FAM222B: variants seen among roughly 807,000 people sequenced by gnomAD.
FAM222B encodes the protein protein FAM222B.
Under a neutral mutation model 38.0 loss-of-function variants are expected in FAM222B, and 12 were observed. The observed-to-expected ratio is 0.32, with a 90% CI of 0.20 to 0.51. The LOEUF is 0.51. Ranked by LOEUF, FAM222B falls within the 20% of genes least tolerant of loss-of-function variation. The probability of loss-of-function intolerance (pLI) is 0.97; values close to 1 mark genes in which losing one functional copy is unlikely to be tolerated. For synonymous variants in FAM222B, 329 were observed against 317.2 expected, an observed-to-expected ratio of 1.04 and a Z score of -0.40; for missense variants, 716 against 754.2, an observed-to-expected ratio of 0.95 and a Z score of 0.59.
At chr17:28,763,999 C>A (rs1470268307) in intron 2 of FAM222B, among the ~76,000 whole-genome samples, 2 of 152,090 alleles carry the variant, frequency 1.3e-5, no homozygotes, top group Non-Finnish European at 2.9e-5. Context: ...AAGTTGTTAT[C>A]TGAAGATGGT....
At chr17:28,854,184 C>A (rs1200661874) in intron 1 of FAM222B, among the ~76,000 whole-genome samples, 1 of 152,112 alleles carries the variant, frequency 6.6e-6, no homozygotes, top group Non-Finnish European at 1.5e-5. Context: ...ACCTCGTGAT[C>A]CGCCCGCCTC....
At chr17:28,768,006 G>T (rs1479793875) in intron 1 of FAM222B, among the ~76,000 whole-genome samples, 1 of 152,100 alleles carries the variant, frequency 6.6e-6, no homozygotes, top group Non-Finnish European at 1.5e-5. Context: ...TGTCAAGACC[G>T]CACGAGTTTC....
At chr17:28,806,561 G>A (rs2037506088) in intron 1 of FAM222B, among the ~76,000 whole-genome samples, 1 of 152,178 alleles carries the variant, frequency 6.6e-6, no homozygotes, top group Non-Finnish European at 1.5e-5. Flanking sequence ...TTCAAGGCCA[G>A]CCTGGGCAAT....
At position 28,766,466 on chromosome 17, in the gene FAM222B, A is replaced by C. The variant is rs190309604; in HGVS notation, c.82+120T>G. On this transcript the variant is annotated intron_variant, in intron 2 of 2. Coordinates refer to ENST00000581407, the MANE Select transcript of FAM222B (RefSeq NM_001077498.3). The stretch of plus-strand genomic sequence containing the variant: ...GAGCAAGACTTCGTCTTAAAAAAAA[A>C]AAAAAAAGAAAGGTGTCAAAATTCA... The C allele has an allele frequency of 7.9e-4, 616 of 782,822 alleles. 5 individuals are homozygous for C. Among genetic ancestry groups the C allele is most frequent in the South Asian group, 2.3e-3 (130 of 56,142 alleles). The allele number at this position is 782,822 out of a possible 1,614,324, so 48.5% of individuals were successfully genotyped here.
intron 1 of FAM222B, among the ~76,000 whole-genome samples, chr17:28,778,719 A>ATATATATATATATATATTTTT (rs1411311023): frequency 3.9e-5 from 1 of 25,492 alleles, no homozygotes; most frequent in Non-Finnish European, 6.7e-5. Context: ...ATATATATAT[A>ATATATATATATATATATTTTT]TTTTTTTTTT....
Position 28,758,887 on chromosome 17 carries a change from T to G in FAM222B, c.1072A>C (p.Ser358Arg). ...TTCCAGGTGACTGGCTTGAGGTCGC[T>G]AGGGTAGCCAGTGGGGACGCGAGAG... is the stretch of plus-strand genomic sequence containing the variant. ...GISRVPTGYPSDLKPVTWNQH... is the reference protein window; with the variant it reads ...GISRVPTGYPRDLKPVTWNQH... The change falls in exon 3 of 3, where the codon AGC becomes CGC. Residue 358 changes from serine to arginine, a missense_variant. Ser to Arg is a moderately radical substitution (Grantham distance 110, BLOSUM62 -1). Coordinates refer to ENST00000581407, the MANE Select transcript of FAM222B (RefSeq NM_001077498.3). The G allele has an allele frequency of 6.2e-7, 1 of 1,608,692 alleles. No homozygotes were observed. The highest frequency in any genetic ancestry group is 8.5e-7 in the Non-Finnish European group (1 of 1,178,126).
intron 1 of FAM222B, among the ~76,000 whole-genome samples, chr17:28,826,978 C>CA (rs1213443352): frequency 6.6e-6 from 1 of 151,670 alleles, no homozygotes; most frequent in South Asian, 2.1e-4. Context: ...TTGTCTTTGC[C>CA]AAAAAAATTT....
At chr17:28,823,952 A>G (rs573919519) in intron 1 of FAM222B, among the ~76,000 whole-genome samples, 45 of 144,536 alleles carry the variant, frequency 3.1e-4, no homozygotes, top group African/African-American at 1.1e-3. Flanking sequence ...ATCTCGGCTC[A>G]CTACAAGCTC....
At chr17:28,773,660 TG>T (rs1567810879) in intron 1 of FAM222B, among the ~76,000 whole-genome samples, 1 of 151,908 alleles carries the variant, frequency 6.6e-6, no homozygotes, top group Non-Finnish European at 1.5e-5. Context: ...TAGCCGGGCA[TG>T]GTGGCATGTG....
intron 1 of FAM222B, among the ~76,000 whole-genome samples, chr17:28,798,357 G>C (rs544471182): frequency 6.6e-6 from 1 of 151,954 alleles, no homozygotes; most frequent in Non-Finnish European, 1.5e-5. Context: ...ACTCCAGCCC[G>C]GGCAAACAGA....
chr17:28,783,110 C>G (rs1252825751), intron 1 of FAM222B, among the ~76,000 whole-genome samples: 1 of 143,968 alleles, frequency 6.9e-6, no homozygotes, highest in African/African-American at 2.6e-5. Context: ...TGCACTCCAG[C>G]GTGGGTGACA....
intron 1 of FAM222B, among the ~76,000 whole-genome samples, chr17:28,810,603 A>G (rs1276222290): frequency 6.6e-6 from 1 of 152,228 alleles, no homozygotes; most frequent in Non-Finnish European, 1.5e-5. Flanking sequence ...CAAGTTAACT[A>G]GTCAACATCT....
chr17:28,775,853 C>T (rs1403648676), intron 1 of FAM222B, among the ~76,000 whole-genome samples: 1 of 150,476 alleles, frequency 6.6e-6, no homozygotes, highest in African/African-American at 2.5e-5. Flanking sequence ...TACACTCCAG[C>T]CTGGGTGACA....
intron 1 of FAM222B, among the ~76,000 whole-genome samples, chr17:28,817,051 T>C (rs915503740): frequency 2.6e-5 from 4 of 151,808 alleles, no homozygotes; most frequent in Non-Finnish European, 5.9e-5. Context: ...GACAAAAAGA[T>C]TAATAAGATG....
At chr17:28,842,317 G>A (rs2039070229) in intron 1 of FAM222B, among the ~76,000 whole-genome samples, 1 of 152,030 alleles carries the variant, frequency 6.6e-6, no homozygotes, top group African/African-American at 2.4e-5. Flanking sequence ...CCCTTCCCCT[G>A]CCTGGTTCAG....
At chr17:28,789,463 G>C (rs2036571670) in intron 1 of FAM222B, among the ~76,000 whole-genome samples, 1 of 152,100 alleles carries the variant, frequency 6.6e-6, no homozygotes, top group Admixed American at 6.6e-5. Context: ...AAATTCCTGG[G>C]GTTACAGGCG....
chr17:28,853,747 C>T (rs559772477), intron 1 of FAM222B, among the ~76,000 whole-genome samples: 2 of 152,074 alleles, frequency 1.3e-5, no homozygotes, highest in Non-Finnish European at 2.9e-5. Flanking sequence ...CCTCCATAGT[C>T]AGGCATGTTA....
intron 1 of FAM222B, among the ~76,000 whole-genome samples, chr17:28,795,312 C>T (rs916111791): frequency 1.3e-5 from 2 of 152,032 alleles, no homozygotes; most frequent in African/African-American, 4.8e-5. Flanking sequence ...GCCCAGTTAA[C>T]TTTTGTATTT....
At chr17:28,806,697 T>C (rs892002213) in intron 1 of FAM222B, among the ~76,000 whole-genome samples, 7 of 152,192 alleles carry the variant, frequency 4.6e-5, no homozygotes, top group South Asian at 2.1e-4. Context: ...TTTTGATTAA[T>C]AATAGCATAC....
Sources: gnomAD v4.1 joint callset for allele counts (sites outside exome capture counted in the v4.1 genomes callset) on GRCh38, gnomAD v4.1.1 for gene constraint, MANE v1.5 for transcripts, NCBI Gene and HGNC (gene_info 2026-07-23, HGNC 2026-07-21) for gene names.